ARID2: variants seen among roughly 807,000 people sequenced by gnomAD.
ARID2 encodes AT-rich interactive domain-containing protein 2.
ARID2 carries 32 observed loss-of-function variants against 184.6 expected under a neutral mutation model. That is an observed-to-expected ratio of 0.17 (90% confidence interval 0.13 to 0.23). The LOEUF is 0.23. ARID2 is among the 10% of genes least tolerant of loss of function. The pLI is 1.00. For synonymous variants in ARID2, 836 were observed against 772.6 expected, an observed-to-expected ratio of 1.08 and a Z score of -1.36; for missense variants, 1,696 against 2,197.6, an observed-to-expected ratio of 0.77 and a Z score of 4.56.
intron 3 of ARID2, among the ~76,000 whole-genome samples, chr12:45,808,738 T>C (rs1376595626): frequency 1.0e-5 from 1 of 95,274 alleles, no homozygotes; most frequent in Non-Finnish European, 2.4e-5. Context: ...TTTGCGTGCG[T>C]GTGTGTGTGT....
At chr12:45,896,631 C>A (rs2136465558) in intron 20 of ARID2, among the ~76,000 whole-genome samples, 1 of 152,260 alleles carries the variant, frequency 6.6e-6, no homozygotes, top group African/African-American at 2.4e-5. Context: ...AAACCTCTTT[C>A]TTTTGTAAAT....
intron 12 of ARID2, 51 bp from the exon 13 acceptor site, chr12:45,848,785 T>G: frequency 6.8e-7 from 1 of 1,467,688 alleles, no homozygotes; most frequent in East Asian, 2.4e-5. Flanking sequence ...TATTTAAATA[T>G]GGAGTTTCCT....
chr12:45,768,660 TAAATA>T (rs1161815900), intron 3 of ARID2, among the ~76,000 whole-genome samples: 1 of 151,928 alleles, frequency 6.6e-6, no homozygotes, highest in Admixed American at 6.6e-5. Context: ...GCAGTGGAGA[TAAATA>T]AACTGTAGAA....
At chr12:45,860,299 TATC>T (rs1401797528) in intron 15 of ARID2, among the ~76,000 whole-genome samples, 6 of 152,230 alleles carry the variant, frequency 3.9e-5, no homozygotes, top group Non-Finnish European at 7.3e-5. Context: ...AATTAGTTAA[TATC>T]ATATTTTATA....
intron 20 of ARID2, among the ~76,000 whole-genome samples, chr12:45,897,765 A>G (rs1174622642): frequency 6.6e-6 from 1 of 152,050 alleles, no homozygotes; most frequent in Non-Finnish European, 1.5e-5. Context: ...ATGGAATATT[A>G]CTCAGTATTA....
At chr12:45,871,303 G>A (rs1020978141) in intron 16 of ARID2, among the ~76,000 whole-genome samples, 11 of 152,086 alleles carry the variant, frequency 7.2e-5, no homozygotes, top group African/African-American at 2.2e-4. Context: ...TTGGTTGTTT[G>A]CTGAGAGCTT....
intron 3 of ARID2, among the ~76,000 whole-genome samples, chr12:45,806,900 C>A (rs1362098224): frequency 6.6e-6 from 1 of 152,148 alleles, no homozygotes; most frequent in Admixed American, 6.6e-5. Context: ...TATAAAGGAC[C>A]TTGCTTTCTT....
intron 3 of ARID2, among the ~76,000 whole-genome samples, chr12:45,788,245 C>G (rs1324979039): frequency 6.6e-6 from 1 of 152,136 alleles, no homozygotes; most frequent in Non-Finnish European, 1.5e-5. Context: ...TTAGCAGCTA[C>G]TAGTTATTAC....
At chr12:45,823,402 G>GCAAAC (rs1353230823) in intron 6 of ARID2, among the ~76,000 whole-genome samples, 1 of 151,898 alleles carries the variant, frequency 6.6e-6, no homozygotes, top group Non-Finnish European at 1.5e-5. Context: ...AACTAGAAAA[G>GCAAAC]CAAACCAAAC....
At chr12:45,822,841 TAG>T (rs1942924094) in intron 6 of ARID2, among the ~76,000 whole-genome samples, 1 of 152,178 alleles carries the variant, frequency 6.6e-6, no homozygotes, top group Admixed American at 6.5e-5. Flanking sequence ...CAAATATTAG[TAG>T]AGCTAAAAAG....
At chr12:45,795,494 C>G (rs528305936) in intron 3 of ARID2, among the ~76,000 whole-genome samples, 5 of 151,962 alleles carry the variant, frequency 3.3e-5, no homozygotes, top group Admixed American at 1.3e-4. Flanking sequence ...TGCAGTGGTG[C>G]GATCTCGGCT....
intron 3 of ARID2, among the ~76,000 whole-genome samples, chr12:45,758,866 A>C (rs976184621): frequency 6.6e-6 from 1 of 152,188 alleles, no homozygotes; most frequent in Admixed American, 6.5e-5. Context: ...CTTGTTACAC[A>C]AGGGAGACTG....
At chr12:45,744,230 T>C (rs1941316922) in intron 3 of ARID2, among the ~76,000 whole-genome samples, 1 of 152,214 alleles carries the variant, frequency 6.6e-6, no homozygotes, top group Non-Finnish European at 1.5e-5. Flanking sequence ...TACTGCCTGT[T>C]ATATGTTTTG....
chr12:45,790,033 A>T (rs1017446346), intron 3 of ARID2, among the ~76,000 whole-genome samples: 1 of 152,216 alleles, frequency 6.6e-6, no homozygotes, highest in African/African-American at 2.4e-5. Flanking sequence ...AATGGAAATG[A>T]TATAAACTTT....
In ARID2 at chr12:45,811,543, G is replaced by A. The variant is rs1459853256; in HGVS notation, c.410G>A (p.Ser137Asn). 1.2e-6 allele frequency: 2 copies of A among 1,612,574 alleles called. No individual in the cohort carries two copies. The highest frequency in any genetic ancestry group is 1.7e-5 in the Admixed American group (1 of 59,738). Residue 137 changes from serine to asparagine, a missense_variant, in exon 4 of 21, where the codon AGT becomes AAT. Physicochemically the swap from Ser to Asn is conservative, Grantham distance 46. Transcript: ENST00000334344. The part of the protein sequence containing the change: ...IPSSYNYQQH[S>N]VSDYLRQSYG... ...TCTTCCTACAATTACCAGCAACACA[G>A]TGTGTCGGGTAAATATCACTGCAAA...
intron 18 of ARID2, among the ~76,000 whole-genome samples, chr12:45,893,210 G>T (rs1020353127): frequency 6.6e-6 from 1 of 152,198 alleles, no homozygotes; most frequent in African/African-American, 2.4e-5. Context: ...GAAAATAAAA[G>T]ACTTGAAACT....
chr12:45,822,397 G>A (rs973712949), intron 6 of ARID2, among the ~76,000 whole-genome samples: 5 of 152,120 alleles, frequency 3.3e-5, no homozygotes, highest in Non-Finnish European at 5.9e-5. Context: ...TTAGCTGGGC[G>A]TGGTTGTGTG....
intron 20 of ARID2, among the ~76,000 whole-genome samples, chr12:45,902,067 A>G (rs1446463395): frequency 6.6e-6 from 1 of 152,234 alleles, no homozygotes; most frequent in African/African-American, 2.4e-5. Flanking sequence ...GCTGATTTGT[A>G]TCCTAAATGG....
rs757473305 is a variant in ARID2, at chr12:45,729,942, CG to C, written c.92+21del. 3.1e-5 allele frequency: 50 copies of C among 1,604,386 alleles called. No individual in the cohort carries two copies. The highest frequency in any genetic ancestry group is 3.7e-5 in the Non-Finnish European group (44 of 1,175,470). ...CCACAGCAGAGGGTGAGAGCAGAACCGGGGGGGCAGCGCCGGGGCGAGCCGG... is the reference window on the plus strand; with the variant it reads ...CCACAGCAGAGGGTGAGAGCAGAACCGGGGGGCAGCGCCGGGGCGAGCCGG... On this transcript the variant is annotated intron_variant, in intron 1 of 20. Transcript: ENST00000334344.
Sources: allele counts gnomAD v4.1 joint callset (sites outside exome capture counted in the v4.1 genomes callset), GRCh38; gene constraint gnomAD v4.1.1; transcripts MANE v1.5; gene names NCBI Gene and HGNC (gene_info 2026-07-23, HGNC 2026-07-21).